TP53BP2: variants seen among roughly 807,000 people sequenced by gnomAD.
The protein encoded by TP53BP2 is apoptosis-stimulating of p53 protein 2.
A neutral mutation model predicts 126.2 loss-of-function variants in TP53BP2; 62 were observed. The observed-to-expected ratio is 0.49, with a 90% CI of 0.40 to 0.61. TP53BP2 has a LOEUF of 0.61. Ranked by LOEUF, TP53BP2 falls within the 20% of genes least tolerant of loss-of-function variation. TP53BP2 has a pLI of 0.00. For synonymous variants in TP53BP2, 485 were observed against 502.9 expected, an observed-to-expected ratio of 0.96 and a Z score of 0.48; for missense variants, 1,215 against 1,402.8, an observed-to-expected ratio of 0.87 and a Z score of 2.14.
chr1:223,795,202 T>C (rs1662275184), intron 13 of TP53BP2, among the ~76,000 whole-genome samples: 1 of 152,194 alleles, frequency 6.6e-6, no homozygotes, highest in African/African-American at 2.4e-5. Context: ...ATAACTTTCG[T>C]ATGTTAAAGT....
chr1:223,796,457 A>T lies in TP53BP2; in HGVS notation c.2082T>A (p.His694Gln), dbSNP rs1269349215. The change falls in exon 13 of 18, where the codon CAT becomes CAA. Residue 694 changes from histidine to glutamine, a missense_variant. This residue lies in a region of TP53BP2 where 814 missense variants were observed against 853.0 expected (regional missense o/e 0.95). Coordinates refer to ENST00000343537, the MANE Select transcript of TP53BP2 (RefSeq NM_001031685.3). The surrounding 1 kb of genome is among the most constrained non-coding windows in gnomAD (Gnocchi z 4.2). Reference protein sequence around the residue: ...TEPVSSVQENHENERIPRPLS... With the variant: ...TEPVSSVQENQENERIPRPLS... Reference sequence around the variant, plus strand: ...GTGGCCGAGGAATTCTTTCGTTTTCATGGTTCTCCTGAACTGAAGAAACAG... The same window carrying T: ...GTGGCCGAGGAATTCTTTCGTTTTCTTGGTTCTCCTGAACTGAAGAAACAG... The T allele has an allele frequency of 3.7e-6, 6 of 1,614,068 alleles. No individual in the cohort carries two copies. In the Admixed American group the frequency reaches 5.0e-5, roughly 13 times the overall value.
At chr1:223,838,991 G>A (rs905059221) in intron 1 of TP53BP2, among the ~76,000 whole-genome samples, 13 of 151,390 alleles carry the variant, frequency 8.6e-5, no homozygotes, top group African/African-American at 3.2e-4. Context: ...TTTAAATAAG[G>A]GACGATGTCT....
At chr1:223,798,846 C>T (rs981255651) in intron 11 of TP53BP2, among the ~76,000 whole-genome samples, 169 bp from the exon 12 acceptor site, 5 of 152,120 alleles carry the variant, frequency 3.3e-5, no homozygotes, top group African/African-American at 7.2e-5. Flanking sequence ...CCAAAGCAGG[C>T]GGATCACGAG....
intron 6 of TP53BP2, 82 bp from the exon 7 acceptor site, chr1:223,803,534 G>T: frequency 1.6e-5 from 22 of 1,359,318 alleles, no homozygotes; most frequent in Non-Finnish European, 2.2e-5. Flanking sequence ...GCTTTACAAT[G>T]AACTTTCTAA....
intron 3 of TP53BP2, among the ~76,000 whole-genome samples, chr1:223,812,744 G>A (rs1265952298): frequency 2.0e-5 from 3 of 152,112 alleles, no homozygotes; most frequent in South Asian, 2.1e-4. Context: ...ATTTTTAGTA[G>A]AGACAGGGTT....
chr1:223,820,152 A>G (rs890768323), intron 2 of TP53BP2, among the ~76,000 whole-genome samples: 3 of 152,222 alleles, frequency 2.0e-5, no homozygotes, highest in African/African-American at 7.2e-5. Context: ...ACAGAGCAAT[A>G]CAAACAGTGG....
chr1:223,836,834 C>T (rs1326180815), intron 1 of TP53BP2, among the ~76,000 whole-genome samples: 1 of 152,050 alleles, frequency 6.6e-6, no homozygotes, highest in African/African-American at 2.4e-5. Flanking sequence ...AGAGGAAAAG[C>T]AGCAGGATGA....
rs916591653 is a variant in TP53BP2 at position 223,793,552 on chromosome 1, T to C, written c.2725-112A>G. 2.9e-5 allele frequency: 33 copies of C among 1,125,724 alleles called. No individual in the cohort carries two copies. The African/African-American group carries it at 3.7e-4, about 13-fold the overall frequency. The allele number at this position is 1,125,724 out of a possible 1,614,324, so 69.7% of individuals were successfully genotyped here. A position where few individuals can be genotyped will look rare whatever the true frequency, so the allele number is the denominator to read the frequency against. ...AAATTAGTGAGAGGCACTTTAACAA[T>C]ATAGATTTGGCACATTTTATTGAAG... On this transcript the variant is annotated intron_variant, in intron 13 of 17. Transcript: ENST00000343537.
chr1:223,791,842 T>G (rs190757864), intron 15 of TP53BP2, among the ~76,000 whole-genome samples: 6 of 152,304 alleles, frequency 3.9e-5, no homozygotes, highest in Non-Finnish European at 7.4e-5. Context: ...CAGGACCTTA[T>G]TAGGACCTTT....
rs569447649 is a variant in TP53BP2 at position 223,819,077 on chromosome 1, G to A, written c.175+2143C>T. Among the ~76,000 whole-genome samples, 6 of 151,796 alleles carry A rather than the reference G, an allele frequency of 4.0e-5. No individual in the cohort carries two copies. In the South Asian group the frequency reaches 6.3e-4, roughly 16 times the overall value. On this transcript the variant is annotated intron_variant, in intron 2 of 17. Transcript: ENST00000343537. ...GTATGCCTGTAATCCCCAGCTACTCGGGAGGCTGAGGCAGGAGAATTGCTT... is the reference window on the plus strand; with the variant it reads ...GTATGCCTGTAATCCCCAGCTACTCAGGAGGCTGAGGCAGGAGAATTGCTT...
intron 1 of TP53BP2, among the ~76,000 whole-genome samples, chr1:223,834,490 A>T (rs918440457): frequency 1.3e-5 from 2 of 152,210 alleles, no homozygotes; most frequent in South Asian, 4.1e-4. Flanking sequence ...TATGTAGTAT[A>T]TATTAATTAT....
chr1:223,792,265 T>C, intron 15 of TP53BP2, 124 bp downstream of exon 15: 2 of 1,088,488 alleles, frequency 1.8e-6, no homozygotes, highest in Non-Finnish European at 1.3e-6. Context: ...TTTCTCCAGC[T>C]AGATTACAAG....
chr1:223,819,360 G>A (rs1336631409), intron 2 of TP53BP2, among the ~76,000 whole-genome samples: 2 of 151,888 alleles, frequency 1.3e-5, no homozygotes, highest in Non-Finnish European at 2.9e-5. Context: ...GAAGAAAATG[G>A]AGACACACAG....
chr1:223,780,751 T>C lies in TP53BP2; in HGVS notation c.*102A>G, dbSNP rs562367138. On this transcript the variant is annotated 3_prime_UTR_variant, in exon 18 of 18. Coordinates refer to ENST00000343537, the MANE Select transcript of TP53BP2 (RefSeq NM_001031685.3). ...ATTCTTCATCGCTTTCAAGCTACAT[T>C]GTCATTAAAATAAGTCTTGTGAAAT... 12 of 1,099,618 alleles carry C rather than the reference T, an allele frequency of 1.1e-5. No individual in the cohort carries two copies. Among genetic ancestry groups the C allele is most frequent in the Admixed American group, 2.1e-5 (1 of 48,510 alleles). The allele number at this position is 1,099,618 out of a possible 1,614,324, so 68.1% of individuals were successfully genotyped here. A position where few individuals can be genotyped will look rare whatever the true frequency, so the allele number is the denominator to read the frequency against.
chr1:223,832,571 G>A (rs558827908), intron 1 of TP53BP2, among the ~76,000 whole-genome samples: 9 of 152,324 alleles, frequency 5.9e-5, no homozygotes, highest in African/African-American at 2.2e-4. Flanking sequence ...CCAACACTGT[G>A]ATACAGAGTG....
At chr1:223,783,539 A>G (rs1661842732) in intron 17 of TP53BP2, among the ~76,000 whole-genome samples, 1 of 152,198 alleles carries the variant, frequency 6.6e-6, no homozygotes, top group Non-Finnish European at 1.5e-5. Context: ...AGCTGAATCT[A>G]TAAAGAGCTT....
chr1:223,796,100 T>G lies in TP53BP2; in HGVS notation c.2439A>C (p.Ser813=). 1.9e-6 allele frequency: 3 copies of G among 1,614,110 alleles called. No individual in the cohort carries two copies. The highest frequency in any genetic ancestry group is 2.5e-6 in the Non-Finnish European group (3 of 1,180,020). Residue 813 remains serine, a synonymous_variant, in exon 13 of 18, where the codon TCA becomes TCC. Coordinates refer to ENST00000343537, the MANE Select transcript of TP53BP2 (RefSeq NM_001031685.3). The surrounding 1 kb of genome is among the most constrained non-coding windows in gnomAD (Gnocchi z 4.2). ...CATTCCCCACATCCTCTGGGGACAATGATTCAGGAACCAGAGAGACCACCT... is the reference window on the plus strand; with the variant it reads ...CATTCCCCACATCCTCTGGGGACAAGGATTCAGGAACCAGAGAGACCACCT... ...EKEVVSLVPE[S]LSPEDVGNAS... is the part of the protein sequence containing the mutation.
chr1:223,797,976 G>A (rs922294386), intron 12 of TP53BP2, among the ~76,000 whole-genome samples: 2 of 152,068 alleles, frequency 1.3e-5, no homozygotes, highest in East Asian at 1.9e-4. Context: ...CTCCCTCACC[G>A]ATAAGCCCCT....
At chr1:223,844,930 G>A (rs1664216229) in intron 1 of TP53BP2, among the ~76,000 whole-genome samples, 1 of 152,164 alleles carries the variant, frequency 6.6e-6, no homozygotes, top group Non-Finnish European at 1.5e-5. Flanking sequence ...GCAACACACC[G>A]CAAACCTCCA....
Sources: allele counts gnomAD v4.1 joint callset (sites outside exome capture counted in the v4.1 genomes callset), GRCh38; gene constraint gnomAD v4.1.1; regional missense constraint gnomAD v4.1.1; non-coding constraint Gnocchi (gnomAD v3.1); transcripts MANE v1.5; gene names NCBI Gene and HGNC (gene_info 2026-07-23, HGNC 2026-07-21).